HS3ST4: variants seen among roughly 807,000 people sequenced by gnomAD.
HS3ST4 encodes the protein heparan sulfate glucosamine 3-O-sulfotransferase 4.
In HS3ST4, 17 loss-of-function variants were observed where a neutral mutation model predicts 29.2. The ratio of observed to expected loss-of-function variants is 0.58; its 90% CI spans 0.40 to 0.87. The LOEUF (loss-of-function observed/expected upper bound fraction) is 0.87. HS3ST4 is among the 40% of genes least tolerant of loss of function. The probability of loss-of-function intolerance (pLI) is 0.00; values close to 1 mark genes in which losing one functional copy is unlikely to be tolerated. For synonymous variants in HS3ST4, 314 were observed against 285.7 expected (o/e 1.10, Z -1.00); for missense variants, 627 against 634.5 (o/e 0.99, Z 0.13).
At chr16:26,119,769 G>A (rs897886425) in intron 1 of HS3ST4, among the ~76,000 whole-genome samples, 2 of 152,094 alleles carry the variant, frequency 1.3e-5, no homozygotes, top group African/African-American at 4.8e-5. Flanking sequence ...CAGGCACTAT[G>A]TGGCATGCTG....
intron 1 of HS3ST4, among the ~76,000 whole-genome samples, chr16:25,702,356 GA>G (rs1339098227): frequency 2.6e-5 from 4 of 152,034 alleles, no homozygotes; most frequent in Non-Finnish European, 4.4e-5. Context: ...AATATAATGG[GA>G]AAAAATACTG....
chr16:26,135,601 C>T lies in HS3ST4; in HGVS notation c.735-11C>T, dbSNP rs1270336873. ...AATAACCATTCTCTTCCTTTTTCCT[C>T]CCTCTCCTAGAAATGTGATGCCCAA... On this transcript the variant is annotated splice_polypyrimidine_tract_variant and intron_variant, in intron 1 of 1. Coordinates refer to ENST00000331351, the MANE Select transcript of HS3ST4 (RefSeq NM_006040.3). 28 of 1,564,188 alleles carry T rather than the reference C, an allele frequency of 1.8e-5. No homozygotes were observed. Among genetic ancestry groups the T allele is most frequent in the Admixed American group, 1.6e-4 (8 of 51,170 alleles).
intron 1 of HS3ST4, among the ~76,000 whole-genome samples, chr16:26,080,542 G>A (rs1898712790): frequency 6.6e-6 from 1 of 152,138 alleles, no homozygotes; most frequent in Admixed American, 6.5e-5. Context: ...GAGAAGGCAG[G>A]AAAGCAAATG....
chr16:25,806,386 C>T (rs2141626435), intron 1 of HS3ST4, among the ~76,000 whole-genome samples: 1 of 152,178 alleles, frequency 6.6e-6, no homozygotes, highest in East Asian at 1.9e-4. Flanking sequence ...CCTCCATTTT[C>T]CTCAAGTCCC....
chr16:25,765,932 C>G (rs1966816109), intron 1 of HS3ST4, among the ~76,000 whole-genome samples: 1 of 152,110 alleles, frequency 6.6e-6, no homozygotes, highest in African/African-American at 2.4e-5. Context: ...GAGGGCTTGG[C>G]TCAAGGCTGA....
intron 1 of HS3ST4, among the ~76,000 whole-genome samples, chr16:25,788,540 CTTTCTTT>C (rs991159494): frequency 2.0e-5 from 2 of 99,070 alleles, no homozygotes; most frequent in Non-Finnish European, 3.8e-5. Context: ...TTCTTTTCTT[CTTTCTTT>C]TTTTTTTTTT....
At chr16:25,859,567 A>G (rs2141653964) in intron 1 of HS3ST4, among the ~76,000 whole-genome samples, 1 of 152,356 alleles carries the variant, frequency 6.6e-6, no homozygotes, top group East Asian at 1.9e-4. Context: ...CTGTGCTGAG[A>G]ATATCTGCCC....
At chr16:26,011,107 C>G (rs1207879044) in intron 1 of HS3ST4, among the ~76,000 whole-genome samples, 2 of 152,128 alleles carry the variant, frequency 1.3e-5, no homozygotes, top group Non-Finnish European at 2.9e-5. Context: ...TACATAAACC[C>G]AGGACACAGC....
chr16:26,135,664 A>AACCT lies in HS3ST4; in HGVS notation c.787_788insACCT (p.Ser263AsnfsTer8). On this transcript the variant is annotated frameshift_variant, in exon 2 of 2. Coordinates refer to ENST00000331351, the MANE Select transcript of HS3ST4 (RefSeq NM_006040.3). LOFTEE classifies it high-confidence loss of function. ...GCAAATAACCATGGAGAAGACTCCA[A>AACCT]GTTACTTTGTGACAAATGAGGCTCC... The AACCT allele has an allele frequency of 6.2e-7, 1 of 1,613,480 alleles. No homozygotes were observed. The highest frequency in any genetic ancestry group is 8.5e-7 in the Non-Finnish European group (1 of 1,179,708).
intron 1 of HS3ST4, among the ~76,000 whole-genome samples, chr16:25,922,947 AGTTTTCCTCT>A (rs1968368076): frequency 6.6e-6 from 1 of 152,206 alleles, no homozygotes. Flanking sequence ...GCCATTGGTC[AGTTTTCCTCT>A]GAAGGGCCTG....
chr16:26,086,789 C>G (rs961292000), intron 1 of HS3ST4, among the ~76,000 whole-genome samples: 85 of 152,184 alleles, frequency 5.6e-4, no homozygotes, highest in African/African-American at 1.9e-3. Context: ...TCACTTCTGT[C>G]CTCATTGATT....
chr16:25,840,974 GTTTATTTA>G (rs201567916), intron 1 of HS3ST4, among the ~76,000 whole-genome samples: 549 of 51,964 alleles, frequency 0.011, 1 homozygote, highest in South Asian at 0.027. Flanking sequence ...ATATTTGTTT[GTTTATTTA>G]TTTATTTATT....
chr16:25,912,406 G>A (rs1293598862), intron 1 of HS3ST4, among the ~76,000 whole-genome samples: 5 of 152,032 alleles, frequency 3.3e-5, no homozygotes, highest in Non-Finnish European at 7.4e-5. Context: ...ATTTCTGCTG[G>A]CTAACCCTTA....
At chr16:25,858,978 A>T (rs770916009) in intron 1 of HS3ST4, among the ~76,000 whole-genome samples, 1 of 151,738 alleles carries the variant, frequency 6.6e-6, no homozygotes, top group East Asian at 1.9e-4. Context: ...ACTCAAACCT[A>T]CTCTTTCCTC....
intron 1 of HS3ST4, among the ~76,000 whole-genome samples, chr16:25,710,843 A>T (rs7500772): frequency 8.8e-6 from 1 of 113,662 alleles, no homozygotes; most frequent in Non-Finnish European, 1.7e-5. Context: ...TAATGACAGG[A>T]TCTTGCTTCG....
intron 1 of HS3ST4, among the ~76,000 whole-genome samples, chr16:25,700,332 C>T (rs1047288703): frequency 4.6e-5 from 7 of 152,050 alleles, no homozygotes; most frequent in Admixed American, 2.0e-4. Context: ...CCACTTGCCC[C>T]GGGTAAGTTC....
rs898023708 is a variant in HS3ST4 at position 25,829,089 on chromosome 16, G to C, written c.734+135938G>C. Among the ~76,000 whole-genome samples, 14 of 152,322 alleles carry C rather than the reference G, an allele frequency of 9.2e-5. No homozygotes were observed. In the East Asian group the frequency reaches 2.7e-3, roughly 29 times the overall value. Reference sequence around the variant, plus strand: ...TTATTACTGACCAAGGGCAAATGGGGAATACGGCTTAGTGTGCAACAAGTG... The same window carrying C: ...TTATTACTGACCAAGGGCAAATGGGCAATACGGCTTAGTGTGCAACAAGTG... On this transcript the variant is annotated intron_variant, in intron 1 of 1. Transcript: ENST00000331351.
chr16:25,782,162 G>A (rs1017744609), intron 1 of HS3ST4, among the ~76,000 whole-genome samples: 1 of 152,134 alleles, frequency 6.6e-6, no homozygotes, highest in African/African-American at 2.4e-5. Flanking sequence ...AAAATCATCC[G>A]ATCTTGTGAG....
chr16:25,819,740 G>A (rs936222279), intron 1 of HS3ST4, among the ~76,000 whole-genome samples: 4 of 152,038 alleles, frequency 2.6e-5, no homozygotes, highest in African/African-American at 7.2e-5. Context: ...ACAGGCTGAG[G>A]GATTTGACAT....
Sources: gnomAD v4.1 joint callset for allele counts (sites outside exome capture counted in the v4.1 genomes callset) on GRCh38, gnomAD v4.1.1 for gene constraint, MANE v1.5 for transcripts, NCBI Gene and HGNC (gene_info 2026-07-23, HGNC 2026-07-21) for gene names.